NOL4: variants seen among roughly 807,000 people sequenced by gnomAD.
NOL4 encodes the protein cancer/testis antigen 125.
NOL4 carries 17 observed loss-of-function variants against 75.9 expected under a neutral mutation model. The ratio of observed to expected loss-of-function variants is 0.22; its 90% CI spans 0.15 to 0.34. The LOEUF is 0.34. NOL4 is among the 10% of genes least tolerant of loss of function. The pLI is 1.00. For missense variants in NOL4, 614 were observed against 793.5 expected (o/e 0.77, Z 2.72); for synonymous variants, 292 against 289.9 (o/e 1.01, Z -0.07).
chr18:34,045,199 C>T (rs963594648), intron 5 of NOL4, among the ~76,000 whole-genome samples: 1 of 152,100 alleles, frequency 6.6e-6, no homozygotes, highest in Non-Finnish European at 1.5e-5. Context: ...AGGCATGAGC[C>T]ACTGCCTGCC....
chr18:33,880,856 A>G (rs775047123), intron 10 of NOL4, among the ~76,000 whole-genome samples: 10 of 151,972 alleles, frequency 6.6e-5, no homozygotes, highest in Non-Finnish European at 1.0e-4. Flanking sequence ...ATTCAGTTAT[A>G]TAATAGTGCT....
chr18:33,932,691 A>G (rs2067780940), intron 9 of NOL4, among the ~76,000 whole-genome samples: 2 of 152,176 alleles, frequency 1.3e-5, no homozygotes, highest in South Asian at 4.1e-4. Flanking sequence ...GATTGAGAAG[A>G]GTATTAAAAA....
chr18:34,015,610 A>G (rs1358407693), intron 6 of NOL4, among the ~76,000 whole-genome samples: 1 of 151,796 alleles, frequency 6.6e-6, no homozygotes, highest in East Asian at 1.9e-4. Context: ...TCCTCATTCT[A>G]TGCTCTCCCA....
chr18:33,960,983 T>G (rs2070070021), intron 6 of NOL4, among the ~76,000 whole-genome samples: 1 of 152,090 alleles, frequency 6.6e-6, no homozygotes, highest in Admixed American at 6.6e-5. Context: ...GTATTTTATA[T>G]GGGCTGGAGC....
chr18:34,102,011 T>G (rs2145646340), intron 4 of NOL4, among the ~76,000 whole-genome samples: 1 of 152,138 alleles, frequency 6.6e-6, no homozygotes, highest in Admixed American at 6.6e-5. Flanking sequence ...TTCCTGCAGC[T>G]ACTAGATATA....
chr18:33,898,962 C>T (rs2065586611), intron 9 of NOL4, among the ~76,000 whole-genome samples: 1 of 152,120 alleles, frequency 6.6e-6, no homozygotes, highest in South Asian at 2.1e-4. Context: ...TTGCCTGTAA[C>T]CTCACAACAC....
At chr18:33,995,113 T>C (rs1223237152) in intron 6 of NOL4, among the ~76,000 whole-genome samples, 1 of 151,618 alleles carries the variant, frequency 6.6e-6, no homozygotes, top group African/African-American at 2.4e-5. Context: ...GGCACTGAGT[T>C]AGTAGTCAAA....
intron 5 of NOL4, among the ~76,000 whole-genome samples, chr18:34,058,600 G>A (rs1456559880): frequency 4.6e-5 from 7 of 152,170 alleles, no homozygotes; most frequent in African/African-American, 1.4e-4. Context: ...ATGTGCCTAC[G>A]TCTAGCAAGC....
intron 6 of NOL4, among the ~76,000 whole-genome samples, chr18:34,009,107 T>C (rs1288567172): frequency 6.6e-6 from 1 of 151,260 alleles, no homozygotes; most frequent in East Asian, 2.0e-4. Flanking sequence ...GGAGAGGTGG[T>C]ATGAAGGAAG....
chr18:34,167,032 G>A (rs2032437474), intron 1 of NOL4, among the ~76,000 whole-genome samples: 2 of 18,640 alleles, frequency 1.1e-4, no homozygotes, highest in Non-Finnish European at 2.0e-4. Context: ...GCGACAGAGC[G>A]AGACTCCGTC....
chr18:34,134,875 T>C (rs2080828019), intron 1 of NOL4, among the ~76,000 whole-genome samples: 5 of 152,094 alleles, frequency 3.3e-5, no homozygotes, highest in Admixed American at 3.3e-4. Flanking sequence ...GTCAGACGAA[T>C]CCAAAGGAAA....
Position 34,042,869 on chromosome 18 carries a change from G to T in NOL4, c.773-23268C>A, listed in dbSNP as rs2076200312. Reference sequence around the variant, plus strand: ...TGACATTTTTCACACTTGGGAAATAGGTCGAATCACATTGAGGTTAAGACC... The same window carrying T: ...TGACATTTTTCACACTTGGGAAATATGTCGAATCACATTGAGGTTAAGACC... On this transcript the variant is annotated intron_variant, in intron 5 of 10. Coordinates refer to ENST00000261592, the MANE Select transcript of NOL4 (RefSeq NM_003787.5). Among the ~76,000 whole-genome samples the T allele has an allele frequency of 2.6e-5, 4 of 152,148 alleles. No individual in the cohort carries two copies. In the South Asian group the frequency reaches 8.3e-4, roughly 32 times the overall value.
chr18:34,213,741 C>T (rs1173058481), intron 1 of NOL4, among the ~76,000 whole-genome samples: 1 of 152,164 alleles, frequency 6.6e-6, no homozygotes, highest in Non-Finnish European at 1.5e-5. Context: ...GACTTCCCAA[C>T]CCTCAGAACT....
At chr18:34,208,025 G>C (rs1317338819) in intron 1 of NOL4, among the ~76,000 whole-genome samples, 2 of 152,164 alleles carry the variant, frequency 1.3e-5, no homozygotes, top group African/African-American at 4.8e-5. Flanking sequence ...CCTATTCCTG[G>C]TCCTCTGGAC....
At chr18:33,968,892 T>C (rs1186937020) in intron 6 of NOL4, among the ~76,000 whole-genome samples, 2 of 152,350 alleles carry the variant, frequency 1.3e-5, no homozygotes, top group African/African-American at 2.4e-5. Flanking sequence ...ACAACAGTTA[T>C]GTAGTAATAT....
intron 6 of NOL4, among the ~76,000 whole-genome samples, chr18:33,981,559 T>A (rs145465462): frequency 6.6e-5 from 10 of 152,060 alleles, no homozygotes; most frequent in Non-Finnish European, 1.5e-5. Context: ...AAGCCCCAGC[T>A]AACTAGAATT....
chr18:34,192,664 A>C (rs2035007449), intron 1 of NOL4, among the ~76,000 whole-genome samples: 1 of 152,206 alleles, frequency 6.6e-6, no homozygotes, highest in African/African-American at 2.4e-5. Flanking sequence ...CCTCATGGAG[A>C]AGAATAAAAG....
At chr18:34,104,970 G>A (rs886120816) in intron 3 of NOL4, 79 bp downstream of exon 3, 25 of 885,398 alleles carry the variant, frequency 2.8e-5, no homozygotes, top group Admixed American at 1.3e-4. Flanking sequence ...AGTCTACCAC[G>A]TTTTTATAAA....
chr18:33,929,730 T>C (rs1347624813), intron 9 of NOL4, among the ~76,000 whole-genome samples: 1 of 152,194 alleles, frequency 6.6e-6, no homozygotes, highest in Non-Finnish European at 1.5e-5. Flanking sequence ...ATATGATGAC[T>C]GCTTAATATA....
Sources: gnomAD v4.1 joint callset for allele counts (sites outside exome capture counted in the v4.1 genomes callset) on GRCh38, gnomAD v4.1.1 for gene constraint, MANE v1.5 for transcripts, NCBI Gene and HGNC (gene_info 2026-07-23, HGNC 2026-07-21) for gene names.